PCDH9: variants seen among roughly 807,000 people sequenced by gnomAD.
PCDH9 encodes the protein protocadherin-9.
In PCDH9, 24 loss-of-function variants were observed where a neutral mutation model predicts 70.6. The ratio of observed to expected loss-of-function variants is 0.34; its 90% CI spans 0.25 to 0.48. PCDH9 has a LOEUF of 0.48. Among genes scored for constraint, PCDH9 ranks in the 20% least tolerant of loss-of-function variants. PCDH9 has a pLI of 0.99. For missense variants in PCDH9, 1,281 were observed against 1,503.6 expected, an observed-to-expected ratio of 0.85 and a Z score of 2.45; for synonymous variants, 562 against 558.5, an observed-to-expected ratio of 1.01 and a Z score of -0.09.
intron 2 of PCDH9, chr13:67,219,883 C>G (rs959102603): frequency 1.3e-5 from 2 of 151,884 alleles, no homozygotes; most frequent in Non-Finnish European, 2.9e-5. Flanking sequence ...AAACACCAAA[C>G]TAAATTCAAA....
intron 3 of PCDH9, among the ~76,000 whole-genome samples, chr13:66,833,686 T>G (rs1032701023): frequency 4.6e-5 from 7 of 152,222 alleles, no homozygotes; most frequent in African/African-American, 1.7e-4. Flanking sequence ...TTCTCCCTAT[T>G]TCTTCCTATA....
chr13:66,828,012 C>T (rs1312102941), intron 3 of PCDH9, among the ~76,000 whole-genome samples: 1 of 152,198 alleles, frequency 6.6e-6, no homozygotes, highest in Admixed American at 6.6e-5. Flanking sequence ...CGCATCTTCT[C>T]TCTGTCCAGT....
intron 3 of PCDH9, among the ~76,000 whole-genome samples, chr13:66,849,509 T>G (rs200922771): frequency 0.26 from 21,674 of 84,548 alleles, 2,741 homozygotes; most frequent in Non-Finnish European, 0.3. Context: ...TATATATATA[T>G]ATATATATAG....
intron 2 of PCDH9, among the ~76,000 whole-genome samples, chr13:67,170,016 T>A (rs917548990): frequency 6.6e-6 from 1 of 152,216 alleles, no homozygotes; most frequent in East Asian, 1.9e-4. Flanking sequence ...CTCCTTTTTT[T>A]ATATTATTTC....
At chr13:66,500,777 A>G (rs1021750258) in intron 4 of PCDH9, among the ~76,000 whole-genome samples, 1 of 152,018 alleles carries the variant, frequency 6.6e-6, no homozygotes, top group African/African-American at 2.4e-5. Context: ...TTTTATTTCT[A>G]TCATCTACAT....
chr13:66,448,213 G>A (rs965442011), intron 4 of PCDH9, among the ~76,000 whole-genome samples: 1 of 152,178 alleles, frequency 6.6e-6, no homozygotes, highest in African/African-American at 2.4e-5. Context: ...ATCTCATCGT[G>A]TAGTATTTTC....
At chr13:66,699,147 T>C (rs1213069193) in intron 3 of PCDH9, among the ~76,000 whole-genome samples, 1 of 151,968 alleles carries the variant, frequency 6.6e-6, no homozygotes, top group East Asian at 1.9e-4. Flanking sequence ...CTCCTGACCT[T>C]AAGTGATCCT....
chr13:66,443,177 T>C (rs984114359), intron 4 of PCDH9, among the ~76,000 whole-genome samples: 5 of 152,198 alleles, frequency 3.3e-5, no homozygotes, highest in Non-Finnish European at 5.9e-5. Flanking sequence ...TTGTCTTTCA[T>C]AAAATAAACA....
chr13:67,227,321 A>C lies in PCDH9; in HGVS notation c.1120T>G (p.Ser374Ala). The stretch of plus-strand genomic sequence containing the variant: ...TTTGTATTGACAGGATCTTTCTCAG[A>C]TAAATACACGGTGCCATTGATGGGA... Reference protein sequence around the residue: ...ISPINGTVYLSEKDPVNTKIA... With the variant: ...ISPINGTVYLAEKDPVNTKIA... The change falls in exon 2 of 5, where the codon TCT (serine) becomes GCT (alanine). Residue 374 changes from serine to alanine, a missense_variant. By Grantham distance (99) the Ser-to-Ala change is moderately conservative. Around this residue, in one of 4 missense-constraint regions of PCDH9, gnomAD observed 798 missense variants for 1,003.1 expected, o/e 0.80. Coordinates refer to ENST00000377865, the MANE Select transcript of PCDH9 (RefSeq NM_203487.3). This position sits in a 1 kb window ranked among gnomAD's most constrained non-coding sequence, Gnocchi z 4.6. 1 of 1,613,998 alleles carries C rather than the reference A, an allele frequency of 6.2e-7. No homozygotes were observed. The highest frequency in any genetic ancestry group is 1.3e-5 in the African/African-American group (1 of 75,052).
At chr13:66,435,384 T>C (rs758116094) in intron 4 of PCDH9, among the ~76,000 whole-genome samples, 2 of 152,160 alleles carry the variant, frequency 1.3e-5, no homozygotes, top group Non-Finnish European at 2.9e-5. Flanking sequence ...AAATTAGTTA[T>C]TAAATGGAGA....
At chr13:66,585,788 C>T (rs902697085) in intron 4 of PCDH9, among the ~76,000 whole-genome samples, 4 of 152,000 alleles carry the variant, frequency 2.6e-5, no homozygotes, top group Non-Finnish European at 5.9e-5. Flanking sequence ...CTAGCAATTA[C>T]ATTGGACTGT....
intron 2 of PCDH9, among the ~76,000 whole-genome samples, chr13:67,035,439 T>G (rs1166903393): frequency 6.6e-6 from 1 of 152,026 alleles, no homozygotes; most frequent in Admixed American, 6.6e-5. Flanking sequence ...GTTTCTTAAG[T>G]GAACACTTAC....
chr13:67,175,282 T>C (rs1252462624), intron 2 of PCDH9, among the ~76,000 whole-genome samples: 3 of 152,212 alleles, frequency 2.0e-5, no homozygotes, highest in Non-Finnish European at 4.4e-5. Flanking sequence ...GTAATTTTTG[T>C]AATCCCAGAA....
rs543112151 is a variant in PCDH9, at chr13:66,390,197, C to T, written c.3341-85169G>A. Among the ~76,000 whole-genome samples the T allele has an allele frequency of 2.0e-4, 31 of 152,274 alleles. 1 individual carries two copies. In the South Asian group the frequency reaches 6.2e-3, roughly 30 times the overall value. Reference sequence around the variant, plus strand: ...TTCCCCAGTGAAATGATTTACTTGCCTCTCAAACTCTGCGGATGAATGGCA... The same window carrying T: ...TTCCCCAGTGAAATGATTTACTTGCTTCTCAAACTCTGCGGATGAATGGCA... On this transcript the variant is annotated intron_variant, in intron 4 of 4. Transcript: ENST00000377865.
Position 66,408,654 on chromosome 13 carries a change from T to C in PCDH9, c.3341-103626A>G, listed in dbSNP as rs1297479439. On this transcript the variant is annotated intron_variant, in intron 4 of 4. Transcript: ENST00000377865. ...TGAGTCTTGAACAACCAAATGCAAA[T>C]GCACATATTTTTCTCTTCTTCCTAT... Among the ~76,000 whole-genome samples, 5 of 152,282 alleles carry C rather than the reference T, an allele frequency of 3.3e-5. No homozygotes were observed. The South Asian group carries it at 8.3e-4, about 25-fold the overall frequency.
intron 2 of PCDH9, among the ~76,000 whole-genome samples, chr13:67,025,813 A>C (rs1594407816): frequency 6.6e-6 from 1 of 152,194 alleles, no homozygotes; most frequent in South Asian, 2.1e-4. Flanking sequence ...TGTCAGTTTT[A>C]CCTTAATAAA....
chr13:66,901,384 T>A (rs1050149950), intron 3 of PCDH9, among the ~76,000 whole-genome samples: 2 of 151,698 alleles, frequency 1.3e-5, no homozygotes, highest in African/African-American at 4.8e-5. Context: ...TGCTGTTAAA[T>A]AAGCATAAGT....
At chr13:67,118,997 A>C (rs1594536995) in intron 2 of PCDH9, among the ~76,000 whole-genome samples, 2 of 152,284 alleles carry the variant, frequency 1.3e-5, no homozygotes, top group South Asian at 2.1e-4. Context: ...ACTTCTTTGC[A>C]GTAGCAGGTG....
intron 4 of PCDH9, among the ~76,000 whole-genome samples, chr13:66,505,755 G>A (rs1444028405): frequency 2.0e-5 from 3 of 152,116 alleles, no homozygotes; most frequent in Non-Finnish European, 2.9e-5. Flanking sequence ...CTCTCACTGG[G>A]TCCCTCATAC....
Sources: gnomAD v4.1 joint callset for allele counts (sites outside exome capture counted in the v4.1 genomes callset) on GRCh38, gnomAD v4.1.1 for gene constraint, gnomAD v4.1.1 regional missense constraint, Gnocchi (gnomAD v3.1) non-coding constraint, MANE v1.5 for transcripts, NCBI Gene and HGNC (gene_info 2026-07-23, HGNC 2026-07-21) for gene names.